Variants in KDM4C observed in about 807,000 individuals in gnomAD.
The protein encoded by KDM4C is lysine demethylase 4C.
A neutral mutation model predicts 129.3 loss-of-function variants in KDM4C; 81 were observed. The observed-to-expected ratio is 0.63, with a 90% confidence interval of 0.52 to 0.75. The LOEUF is 0.75. Ranked by LOEUF, KDM4C falls within the 30% of genes least tolerant of loss-of-function variation. KDM4C has a pLI of 0.00. For synonymous variants in KDM4C, 573 were observed against 456.1 expected, an observed-to-expected ratio of 1.26 and a Z score of -3.26; for missense variants, 1,457 against 1,304.0, an observed-to-expected ratio of 1.12 and a Z score of -1.81.
chr9:7,023,107 CT>C (rs1268964892), intron 15 of KDM4C, among the ~76,000 whole-genome samples: 1 of 152,034 alleles, frequency 6.6e-6, no homozygotes, highest in African/African-American at 2.4e-5. Flanking sequence ...CTGTGGTTTT[CT>C]TTTTGATGTT....
intron 1 of KDM4C, among the ~76,000 whole-genome samples, chr9:6,766,292 C>G (rs561966656): frequency 6.6e-6 from 1 of 151,970 alleles, no homozygotes. Context: ...TGTTTGCCCT[C>G]GAAACTTTCA....
chr9:7,053,919 A>G (rs1830540044), intron 17 of KDM4C, among the ~76,000 whole-genome samples: 2 of 152,264 alleles, frequency 1.3e-5, no homozygotes, highest in South Asian at 4.1e-4. Flanking sequence ...TAAAGACTTC[A>G]TATCCAAAAG....
At chr9:6,880,956 T>G (rs1394878073) in intron 6 of KDM4C, among the ~76,000 whole-genome samples, 1 of 152,190 alleles carries the variant, frequency 6.6e-6, no homozygotes, top group Non-Finnish European at 1.5e-5. Context: ...AAAGTGGAGT[T>G]CCATTTGAGT....
chr9:6,728,066 C>CA (rs574486528), intron 1 of KDM4C, among the ~76,000 whole-genome samples: 1,105 of 73,860 alleles, frequency 0.015, 95 homozygotes, highest in Non-Finnish European at 0.018. Context: ...CATGAAGCTG[C>CA]AAAAAAAAAA....
chr9:6,826,821 C>T (rs1267941264), intron 4 of KDM4C, among the ~76,000 whole-genome samples: 3 of 151,186 alleles, frequency 2.0e-5, no homozygotes, highest in Non-Finnish European at 2.9e-5. Flanking sequence ...GAGCTGAGAT[C>T]GCGCCACTGC....
At chr9:6,751,715 G>A (rs928953211) in intron 1 of KDM4C, among the ~76,000 whole-genome samples, 1 of 152,058 alleles carries the variant, frequency 6.6e-6, no homozygotes, top group Non-Finnish European at 1.5e-5. Flanking sequence ...AGATGGAACA[G>A]GATAGTTGTT....
At chr9:7,083,231 T>G (rs1834736097) in intron 17 of KDM4C, among the ~76,000 whole-genome samples, 1 of 152,226 alleles carries the variant, frequency 6.6e-6, no homozygotes, top group Admixed American at 6.5e-5. Flanking sequence ...ACTTGCATTA[T>G]ATACTTACTG....
In KDM4C at chr9:6,721,437, C is replaced by T. The variant is rs572254167; in HGVS notation, c.49+440C>T. On this transcript the variant is annotated intron_variant, in intron 1 of 17. Coordinates refer to the KDM4C transcript ENST00000536108. ...TAGCTGGGACCACAGGCATGTGCCA[C>T]GACACCTGACTAATTTTTGTATTTT... is the stretch of plus-strand genomic sequence containing the variant. Among the ~76,000 whole-genome samples the T allele has an allele frequency of 8.6e-5, 13 of 151,702 alleles. No individual in the cohort carries two copies. In the East Asian group the frequency reaches 1.4e-3, roughly 16 times the overall value.
At chr9:6,843,882 A>G (rs991472817) in intron 4 of KDM4C, among the ~76,000 whole-genome samples, 18 of 151,954 alleles carry the variant, frequency 1.2e-4, no homozygotes, top group African/African-American at 3.9e-4. Flanking sequence ...GAGACATCTC[A>G]CTCTGTTGCC....
upstream of KDM4C, among the ~76,000 whole-genome samples, chr9:6,753,645 G>A (rs1413964079): frequency 2.6e-5 from 4 of 152,056 alleles, no homozygotes; most frequent in Non-Finnish European, 5.9e-5. Flanking sequence ...CAGGACTGAG[G>A]GGCTGTATTA....
At chr9:6,968,724 G>A (rs933899955) in intron 8 of KDM4C, among the ~76,000 whole-genome samples, 3 of 151,904 alleles carry the variant, frequency 2.0e-5, no homozygotes, top group Non-Finnish European at 2.9e-5. Context: ...TTGGACCTAT[G>A]TTATTCATTT....
intron 8 of KDM4C, among the ~76,000 whole-genome samples, chr9:6,922,275 T>A (rs533803494): frequency 5.9e-5 from 9 of 152,374 alleles, no homozygotes; most frequent in African/African-American, 2.2e-4. Flanking sequence ...TGAACATTTC[T>A]AATTTCTTTT....
chr9:6,781,334 C>G (rs1051182546), intron 1 of KDM4C, among the ~76,000 whole-genome samples: 1 of 151,898 alleles, frequency 6.6e-6, no homozygotes, highest in Non-Finnish European at 1.5e-5. Flanking sequence ...CTGTCACCCT[C>G]TGGTCAGAAC....
At chr9:6,902,407 G>A (rs1817561940) in intron 8 of KDM4C, among the ~76,000 whole-genome samples, 1 of 152,130 alleles carries the variant, frequency 6.6e-6, no homozygotes, top group Non-Finnish European at 1.5e-5. Context: ...TGGCTGTCAG[G>A]AGTGCACGTA....
At chr9:7,025,657 A>G (rs1448046236) in intron 15 of KDM4C, among the ~76,000 whole-genome samples, 1 of 152,184 alleles carries the variant, frequency 6.6e-6, no homozygotes, top group Non-Finnish European at 1.5e-5. Context: ...AAAGCTCTAC[A>G]CTTTAGCCTC....
chr9:6,964,809 C>A (rs1249463651), intron 8 of KDM4C, among the ~76,000 whole-genome samples: 1 of 137,878 alleles, frequency 7.3e-6, no homozygotes. Flanking sequence ...AAACCACAGA[C>A]TGGGCGCAGT....
At chr9:6,985,999 T>C (rs1284453969) in intron 10 of KDM4C, among the ~76,000 whole-genome samples, 1 of 152,250 alleles carries the variant, frequency 6.6e-6, no homozygotes, top group East Asian at 1.9e-4. Context: ...CTCCTCATCA[T>C]GCTTTCTCTT....
At chr9:7,019,440 T>C (rs1824258552) in intron 15 of KDM4C, among the ~76,000 whole-genome samples, 1 of 121,540 alleles carries the variant, frequency 8.2e-6, no homozygotes. Flanking sequence ...CATTCCTAAT[T>C]CCCTGGAATT....
chr9:6,980,893 G>A lies in KDM4C; in HGVS notation c.922-32G>A, dbSNP rs200316597. On this transcript the variant is annotated intron_variant, in intron 8 of 21. Coordinates refer to ENST00000381309, the MANE Select transcript of KDM4C (RefSeq NM_015061.6). ...TGTGTTACTGTATAGTTAGCGAAAC[G>A]TTTAACACTCTCCAACCCGGTTGTG... The A allele has an allele frequency of 1.4e-5, 23 of 1,604,948 alleles. No homozygotes were observed. In the East Asian group the frequency reaches 1.8e-4, roughly 12 times the overall value.
Sources: allele counts gnomAD v4.1 joint callset (sites outside exome capture counted in the v4.1 genomes callset), GRCh38; gene constraint gnomAD v4.1.1; transcripts MANE v1.5; gene names NCBI Gene and HGNC (gene_info 2026-07-23, HGNC 2026-07-21).